MAML1: variants seen among roughly 807,000 people sequenced by gnomAD.
MAML1 encodes mastermind-like protein 1.
MAML1 carries 14 observed loss-of-function variants against 77.1 expected under a neutral mutation model. The ratio of observed to expected loss-of-function variants is 0.18; its 90% CI spans 0.12 to 0.28. The LOEUF is 0.28. Ranked by LOEUF, MAML1 falls within the 10% of genes least tolerant of loss-of-function variation. The probability of loss-of-function intolerance (pLI) is 1.00; values close to 1 mark genes in which losing one functional copy is unlikely to be tolerated. For synonymous variants in MAML1, 516 were observed against 551.9 expected (o/e 0.93, Z 0.91); for missense variants, 1,217 against 1,327.8 (o/e 0.92, Z 1.30).
chr5:179,733,919 G>GA (rs1779117274), intron 1 of MAML1, among the ~76,000 whole-genome samples: 1 of 152,338 alleles, frequency 6.6e-6, no homozygotes, highest in East Asian at 1.9e-4. Context: ...CCTCTGAATG[G>GA]AAAATCAAGA....
Position 179,771,339 on chromosome 5 carries a change from A to G in MAML1, c.2068+96A>G, listed in dbSNP as rs1581948229. 9.8e-7 allele frequency: 1 copy of G among 1,021,400 alleles called. No homozygotes were observed. Among genetic ancestry groups the G allele is most frequent in the East Asian group, 2.4e-5 (1 of 41,138 alleles). The allele number at this position is 1,021,400 out of a possible 1,614,324, so 63.3% of individuals were successfully genotyped here. ...CTGCCCAGCTCTATGCCTTGACTTC[A>G]TCAGGCTGCATGCATTGTCATCATA... On this transcript the variant is annotated intron_variant, in intron 4 of 4. Transcript: ENST00000292599. This position sits in a 1 kb window ranked among gnomAD's most constrained non-coding sequence, Gnocchi z 4.7.
In MAML1 at chr5:179,777,203, A is replaced by G. The variant is rs1307014739; in HGVS notation, c.*2326A>G. On this transcript the variant is annotated 3_prime_UTR_variant, in exon 5 of 5. Transcript: ENST00000292599. ...ATCCCCATATTCTTCTACTGCCCTT[A>G]ACTCTGGTATACACCAAAAAGAAAT... is the stretch of plus-strand genomic sequence containing the variant. 3 of 973,270 alleles carry G rather than the reference A, an allele frequency of 3.1e-6. No individual in the cohort carries two copies. The highest frequency in any genetic ancestry group is 6.2e-5 in the Admixed American group (1 of 16,236). The allele number at this position is 973,270 out of a possible 1,614,324, so 60.3% of individuals were successfully genotyped here. A position where few individuals can be genotyped will look rare whatever the true frequency, so the allele number is the denominator to read the frequency against.
intron 1 of MAML1, among the ~76,000 whole-genome samples, chr5:179,755,564 G>C (rs1779594632): frequency 6.7e-6 from 1 of 149,630 alleles, no homozygotes; most frequent in South Asian, 2.1e-4. Flanking sequence ...AGTAGGATAA[G>C]TGGTTGGAGA....
Position 179,774,002 on chromosome 5 carries a change from G to A in MAML1, c.2176G>A (p.Ala726Thr), listed in dbSNP as rs1430710994. Residue 726 changes from alanine (A) to threonine (T), a missense_variant, in exon 5 of 5, where the codon GCT becomes ACT. Ala to Thr is a moderately conservative substitution (Grantham distance 58, BLOSUM62 0). Coordinates refer to ENST00000292599, the MANE Select transcript of MAML1 (RefSeq NM_014757.5). ...TCTGATGCCAATGGGCCCTGGACAT[G>A]CTTCAGTTTCCTCTCTCCCCACAAA... The part of the protein sequence containing the change: ...GNLMPMGPGH[A>T]SVSSLPTNSG... 3 of 1,614,088 alleles carry A rather than the reference G, an allele frequency of 1.9e-6. No individual in the cohort carries two copies. Among genetic ancestry groups the A allele is most frequent in the Non-Finnish European group, 2.5e-6 (3 of 1,180,052 alleles).
At chr5:179,740,206 T>C (rs1424802237) in intron 1 of MAML1, among the ~76,000 whole-genome samples, 1 of 152,130 alleles carries the variant, frequency 6.6e-6, no homozygotes, top group African/African-American at 2.4e-5. Flanking sequence ...CCAGTGTGTC[T>C]GGAGCAGCGT....
chr5:179,760,201 G>A (rs886151378), intron 1 of MAML1, among the ~76,000 whole-genome samples: 1 of 152,090 alleles, frequency 6.6e-6, no homozygotes, highest in Non-Finnish European at 1.5e-5. Flanking sequence ...CACTTATCAA[G>A]TGCTGGGCAC....
chr5:179,765,383 G>A lies in MAML1; in HGVS notation c.373G>A (p.Asp125Asn), dbSNP rs1485874595. The A allele has an allele frequency of 5.0e-6, 8 of 1,612,926 alleles. No individual in the cohort carries two copies. The highest frequency in any genetic ancestry group is 3.3e-4 in the Middle Eastern group (2 of 6,072). ...LDSATSPQNG[D>N]QQNGYGDLFP... Reference sequence around the variant, plus strand: ...CAGCGCCACTTCCCCTCAGAATGGCGATCAACAGAATGGCTACGGGGACCT... The same window carrying A: ...CAGCGCCACTTCCCCTCAGAATGGCAATCAACAGAATGGCTACGGGGACCT... Residue 125 changes from aspartate (D) to asparagine (N), a missense_variant, in exon 2 of 5, where the codon GAT becomes AAT. Asp to Asn is a conservative substitution (Grantham distance 23, BLOSUM62 1). This residue lies in a region of MAML1 where 312 missense variants were observed against 331.4 expected (regional missense o/e 0.94). Transcript: ENST00000292599.
At chr5:179,747,694 C>T (rs1160883264) in intron 1 of MAML1, among the ~76,000 whole-genome samples, 1 of 148,324 alleles carries the variant, frequency 6.7e-6, no homozygotes, top group Non-Finnish European at 1.5e-5. Context: ...CCTGTAGTCC[C>T]AGCTACTTGG....
At chr5:179,755,497 G>A (rs1779593952) in intron 1 of MAML1, among the ~76,000 whole-genome samples, 2 of 152,120 alleles carry the variant, frequency 1.3e-5, no homozygotes, top group South Asian at 2.1e-4. Flanking sequence ...ATGAAACGTA[G>A]TATTGTATAC....
At chr5:179,746,423 A>T (rs1487345223) in intron 1 of MAML1, among the ~76,000 whole-genome samples, 2 of 152,006 alleles carry the variant, frequency 1.3e-5, no homozygotes, top group Non-Finnish European at 2.9e-5. Flanking sequence ...CCCAGGCTGG[A>T]GTGCAGTGGC....
rs1456780023 is a variant in MAML1 at position 179,769,744 on chromosome 5, G to A, written c.1971+655G>A. 6.6e-6 allele frequency among the ~76,000 whole-genome samples: 1 copy of A among 151,926 alleles called. No homozygotes were observed. Among genetic ancestry groups the A allele is most frequent in the Non-Finnish European group, 1.5e-5 (1 of 67,984 alleles). On this transcript the variant is annotated intron_variant, in intron 3 of 4. Transcript: ENST00000292599. The surrounding 1 kb of genome is among the most constrained non-coding windows in gnomAD (Gnocchi z 4.2). ...ATTTTTGTGTTTTTAGTAGAGATGG[G>A]GTTTCACCACGTTGGCCAGGCTGGT...
At chr5:179,747,434 G>A (rs1435397154) in intron 1 of MAML1, among the ~76,000 whole-genome samples, 1 of 152,172 alleles carries the variant, frequency 6.6e-6, no homozygotes, top group African/African-American at 2.4e-5. Flanking sequence ...CACTAGGAGG[G>A]AGCGACCTGA....
chr5:179,765,084 C>T (rs1779791547), intron 1 of MAML1, among the ~76,000 whole-genome samples: 1 of 151,574 alleles, frequency 6.6e-6, no homozygotes, highest in Admixed American at 6.6e-5. Context: ...TGGCTGTGGG[C>T]AGCCTCATGC....
intron 4 of MAML1, among the ~76,000 whole-genome samples, chr5:179,773,469 T>C (rs1756047492): frequency 6.6e-6 from 1 of 152,250 alleles, no homozygotes; most frequent in Admixed American, 6.5e-5. Context: ...ATGCCAGGGC[T>C]TCCAGCCTGC....
At chr5:179,750,967 T>G (rs1176334582) in intron 1 of MAML1, among the ~76,000 whole-genome samples, 1 of 152,074 alleles carries the variant, frequency 6.6e-6, no homozygotes, top group East Asian at 1.9e-4. Context: ...TCCTGAAAAC[T>G]TAGTTGTTCA....
chr5:179,739,245 G>C (rs77436589), intron 1 of MAML1, among the ~76,000 whole-genome samples: 2,015 of 152,248 alleles, frequency 0.013, 37 homozygotes, highest in African/African-American at 0.046. Context: ...AGCTCAGCAT[G>C]GTGGCTCATG....
chr5:179,760,701 G>T (rs995816930), intron 1 of MAML1, among the ~76,000 whole-genome samples: 1 of 152,122 alleles, frequency 6.6e-6, no homozygotes, highest in African/African-American at 2.4e-5. Flanking sequence ...TGATAGAAGG[G>T]CAGGAGAAGG....
chr5:179,758,011 C>T (rs1210848015), intron 1 of MAML1, among the ~76,000 whole-genome samples: 5 of 152,150 alleles, frequency 3.3e-5, no homozygotes, highest in Non-Finnish European at 7.3e-5. Flanking sequence ...GCTGTAATTA[C>T]GTAAAACACA....
chr5:179,742,571 G>A (rs1779304444), intron 1 of MAML1, among the ~76,000 whole-genome samples: 1 of 151,972 alleles, frequency 6.6e-6, no homozygotes, highest in South Asian at 2.1e-4. Context: ...GAGAGGCTGA[G>A]GTGGGTGGAT....
Sources: allele counts gnomAD v4.1 joint callset (sites outside exome capture counted in the v4.1 genomes callset), GRCh38; gene constraint gnomAD v4.1.1; regional missense constraint gnomAD v4.1.1; non-coding constraint Gnocchi (gnomAD v3.1); transcripts MANE v1.5; gene names NCBI Gene and HGNC (gene_info 2026-07-23, HGNC 2026-07-21).